The following EPB41L4B variants were observed in gnomAD, a reference collection of about 807,000 sequenced individuals.
EPB41L4B encodes the protein erythrocyte membrane protein band 4.1 like 4B.
EPB41L4B carries 30 observed loss-of-function variants against 112.5 expected under a neutral mutation model. The observed-to-expected ratio is 0.27, with a 90% CI of 0.20 to 0.36. The LOEUF is 0.36. Ranked by LOEUF, EPB41L4B falls within the 10% of genes least tolerant of loss-of-function variation. EPB41L4B has a pLI of 1.00. For missense variants in EPB41L4B, 1,024 were observed against 1,133.3 expected (o/e 0.90, Z 1.38); for synonymous variants, 408 against 439.7 (o/e 0.93, Z 0.90).
intron 2 of EPB41L4B, among the ~76,000 whole-genome samples, chr9:109,279,303 A>G (rs1275355685): frequency 6.6e-6 from 1 of 151,248 alleles, no homozygotes; most frequent in Non-Finnish European, 1.5e-5. Flanking sequence ...TGCAGCCTTG[A>G]CCATCTGGGT....
intron 15 of EPB41L4B, among the ~76,000 whole-genome samples, chr9:109,217,402 CT>C (rs1451995217): frequency 4.0e-5 from 6 of 151,858 alleles, no homozygotes; most frequent in African/African-American, 9.7e-5. Context: ...ATATTTATTT[CT>C]TTTTTTTAAA....
At chr9:109,243,807 C>A (rs948253028) in intron 14 of EPB41L4B, 125 bp from the exon 15 acceptor site, 4 of 874,928 alleles carry the variant, frequency 4.6e-6, no homozygotes, top group Non-Finnish European at 7.2e-6. Context: ...GGCTATAGAC[C>A]CTGGCTAGGG....
chr9:109,189,528 C>T (rs1364486641), intron 22 of EPB41L4B, among the ~76,000 whole-genome samples: 1 of 152,164 alleles, frequency 6.6e-6, no homozygotes, highest in African/African-American at 2.4e-5. Context: ...AATCTGGGCT[C>T]TTTGGACTGT....
At chr9:109,311,695 G>C (rs1449114655) in intron 1 of EPB41L4B, among the ~76,000 whole-genome samples, 1 of 152,232 alleles carries the variant, frequency 6.6e-6, no homozygotes, top group East Asian at 1.9e-4. Flanking sequence ...TTTACTGCAT[G>C]AAATTCTGAC....
At chr9:109,267,945 G>T (rs538932110) in intron 3 of EPB41L4B, among the ~76,000 whole-genome samples, 1 of 152,320 alleles carries the variant, frequency 6.6e-6, no homozygotes, top group Non-Finnish European at 1.5e-5. Flanking sequence ...ACTTTTAAGA[G>T]AATATGAATT....
At chr9:109,182,456 C>T (rs572046467) in intron 24 of EPB41L4B, among the ~76,000 whole-genome samples, 50 of 152,148 alleles carry the variant, frequency 3.3e-4, no homozygotes, top group East Asian at 9.7e-4. Flanking sequence ...TTTTGGAGGA[C>T]GCAATAAAAA....
At chr9:109,277,624 G>A (rs571148375) in intron 2 of EPB41L4B, among the ~76,000 whole-genome samples, 10 of 152,294 alleles carry the variant, frequency 6.6e-5, no homozygotes, top group Non-Finnish European at 1.5e-4. Flanking sequence ...TGGCAGGCTG[G>A]GACAAGCCAC....
intron 1 of EPB41L4B, among the ~76,000 whole-genome samples, chr9:109,280,504 GAGAAA>G (rs1438167461): frequency 6.6e-6 from 1 of 152,168 alleles, no homozygotes; most frequent in Non-Finnish European, 1.5e-5. Context: ...AAAGCAGTCG[GAGAAA>G]CAAGGGGTCA....
At chr9:109,191,950 G>C (rs777951823) in intron 22 of EPB41L4B, among the ~76,000 whole-genome samples, 117 of 152,186 alleles carry the variant, frequency 7.7e-4, no homozygotes, top group Non-Finnish European at 9.3e-4. Context: ...GATTCCCCAC[G>C]GGTGGGCATG....
intron 19 of EPB41L4B, among the ~76,000 whole-genome samples, chr9:109,203,399 A>G (rs1832897533): frequency 6.6e-6 from 1 of 152,166 alleles, no homozygotes; most frequent in Non-Finnish European, 1.5e-5. Context: ...GGCAATGTGA[A>G]GCCCACTTGC....
intron 1 of EPB41L4B, among the ~76,000 whole-genome samples, chr9:109,304,189 G>T (rs1195189058): frequency 1.3e-5 from 2 of 152,206 alleles, no homozygotes; most frequent in Non-Finnish European, 2.9e-5. Context: ...TCAGAACTGT[G>T]TCTGGCACAT....
At chr9:109,313,473 T>A (rs1326704747) in intron 1 of EPB41L4B, among the ~76,000 whole-genome samples, 6 of 152,244 alleles carry the variant, frequency 3.9e-5, no homozygotes, top group Non-Finnish European at 8.8e-5. Context: ...AGCCCCACTC[T>A]GCCAGGTCAG....
In EPB41L4B at chr9:109,174,572, C is replaced by A; in HGVS notation, c.2685G>T (p.Leu895=). 6.2e-7 allele frequency: 1 copy of A among 1,614,092 alleles called. No homozygotes were observed. Among genetic ancestry groups the A allele is most frequent in the Non-Finnish European group, 8.5e-7 (1 of 1,179,976 alleles). The change falls in exon 26 of 26, where the codon CTG becomes CTT. Residue 895 remains leucine (L), a synonymous_variant. Coordinates refer to ENST00000374566, the MANE Select transcript of EPB41L4B (RefSeq NM_019114.5). ...GAGAATTTCACAGTTCGGTCATCAA[C>A]AGTCTTTTCATCATCTTCTCTCTCT... ...ELEREKMMKR[L]LMTEL
At chr9:109,184,412 G>A (rs934540532) in intron 23 of EPB41L4B, among the ~76,000 whole-genome samples, 5 of 152,156 alleles carry the variant, frequency 3.3e-5, no homozygotes, top group Middle Eastern at 3.2e-3. Context: ...TAGAGTTGGG[G>A]TTTTACATGT....
intron 2 of EPB41L4B, among the ~76,000 whole-genome samples, chr9:109,271,212 C>T (rs1036334685): frequency 7.2e-5 from 11 of 152,248 alleles, no homozygotes; most frequent in Non-Finnish European, 1.0e-4. Context: ...CTGCAAAAGG[C>T]ACCCCTTCAG....
At chr9:109,243,850 C>G (rs1834443926) in intron 14 of EPB41L4B, among the ~76,000 whole-genome samples, 168 bp from the exon 15 acceptor site, 1 of 152,216 alleles carries the variant, frequency 6.6e-6, no homozygotes, top group Non-Finnish European at 1.5e-5. Context: ...CACGTTTCCC[C>G]CTCTGACAAA....
At chr9:109,270,998 G>A (rs1391547092) in intron 2 of EPB41L4B, among the ~76,000 whole-genome samples, 2 of 152,200 alleles carry the variant, frequency 1.3e-5, no homozygotes, top group Non-Finnish European at 2.9e-5. Flanking sequence ...CTCCTACCCA[G>A]GAAGAGGTTC....
At chr9:109,293,245 G>A (rs570515873) in intron 1 of EPB41L4B, among the ~76,000 whole-genome samples, 163 of 152,260 alleles carry the variant, frequency 1.1e-3, no homozygotes, top group Non-Finnish European at 1.6e-3. Flanking sequence ...TATTGTATGC[G>A]TACATAAAAG....
chr9:109,241,010 A>G, intron 15 of EPB41L4B: 11 of 985,300 alleles, frequency 1.1e-5, no homozygotes, highest in Non-Finnish European at 1.3e-5. Context: ...GTATCTATAT[A>G]ACATCTAATA....
Sources: allele counts gnomAD v4.1 joint callset (sites outside exome capture counted in the v4.1 genomes callset), GRCh38; gene constraint gnomAD v4.1.1; transcripts MANE v1.5; gene names NCBI Gene and HGNC (gene_info 2026-07-23, HGNC 2026-07-21).